SASH1: variants seen among roughly 807,000 people sequenced by gnomAD.
SASH1 encodes the protein SAM and SH3 domain-containing protein 1.
SASH1 carries 44 observed loss-of-function variants against 125.2 expected under a neutral mutation model. That is an observed-to-expected ratio of 0.35 (90% CI 0.28 to 0.45). The LOEUF is 0.45. SASH1 is among the 20% of genes least tolerant of loss of function. The probability of loss-of-function intolerance (pLI) is 1.00; values close to 1 mark genes in which losing one functional copy is unlikely to be tolerated. For missense variants in SASH1, 1,426 were observed against 1,614.5 expected (o/e 0.88, Z 2.00); for synonymous variants, 639 against 649.1 (o/e 0.98, Z 0.24).
the SASH1 span, among the ~76,000 whole-genome samples, chr6:148,194,869 G>A: frequency 6.6e-6 from 1 of 152,224 alleles, no homozygotes. Flanking sequence ...TCGCGCCACT[G>A]CACTCCAGCC....
the SASH1 span, among the ~76,000 whole-genome samples, chr6:148,262,656 G>A: frequency 1.3e-5 from 2 of 152,236 alleles, no homozygotes; most frequent in Non-Finnish European, 2.9e-5. Context: ...GGCCGAGGCA[G>A]GCAGATCACC....
chr6:148,353,710 C>T (rs1487036507), intron 1 of SASH1, among the ~76,000 whole-genome samples: 1 of 151,954 alleles, frequency 6.6e-6, no homozygotes, highest in Non-Finnish European at 1.5e-5. Context: ...GCTGGGATTA[C>T]AGGCGTGAGC....
At chr6:148,288,615 C>A (rs1779546897) in intron 1 of SASH1, among the ~76,000 whole-genome samples, 1 of 152,042 alleles carries the variant, frequency 6.6e-6, no homozygotes, top group Non-Finnish European at 1.5e-5. Flanking sequence ...TGACTTCTAT[C>A]ATTTCCTACA....
rs113861189 is a variant in SASH1 at position 148,400,445 on chromosome 6, A to G, written c.285+10183A>G. 8.6e-3 allele frequency among the ~76,000 whole-genome samples: 1,308 copies of G among 152,320 alleles called. 22 individuals are homozygous for G. The highest frequency in any genetic ancestry group is 0.029 in the African/African-American group (1,201 of 41,578). ...CAGCTCCTGTACACCGAAATGACTA[A>G]CAGTAGAGAGAACTGAGCTCTGGGC... On this transcript the variant is annotated intron_variant, in intron 2 of 19. Coordinates refer to ENST00000367467, the MANE Select transcript of SASH1 (RefSeq NM_015278.5).
intron 1 of SASH1, among the ~76,000 whole-genome samples, chr6:148,369,338 G>A (rs1782617361): frequency 6.6e-6 from 1 of 152,158 alleles, no homozygotes; most frequent in Non-Finnish European, 1.5e-5. Context: ...TGTTGAAACT[G>A]TTTCTACTCA....
rs1364073339 is a variant in SASH1 at position 148,529,225 on chromosome 6, C to T, written c.1428+1629C>T. Among the ~76,000 whole-genome samples the T allele has an allele frequency of 6.6e-6, 1 of 152,150 alleles. No homozygotes were observed. Among genetic ancestry groups the T allele is most frequent in the Non-Finnish European group, 1.5e-5 (1 of 68,036 alleles). On this transcript the variant is annotated intron_variant, in intron 12 of 19. Transcript: ENST00000367467. This position sits in a 1 kb window ranked among gnomAD's most constrained non-coding sequence, Gnocchi z 4.2. ...TCCGTGGCCCGGGAGTTGGAGAATG[C>T]TGATCTAGAGGATAGAGGCCAGGGA...
At chr6:148,348,457 G>T (rs1344544793) in intron 1 of SASH1, among the ~76,000 whole-genome samples, 1 of 152,080 alleles carries the variant, frequency 6.6e-6, no homozygotes, top group East Asian at 1.9e-4. Flanking sequence ...CCTTCCCTCT[G>T]CCACCTGGCT....
chr6:148,436,142 T>A (rs1029507680), intron 2 of SASH1, among the ~76,000 whole-genome samples: 1 of 152,048 alleles, frequency 6.6e-6, no homozygotes, highest in Non-Finnish European at 1.5e-5. Flanking sequence ...GCTTTGGCAC[T>A]CCCCCAGCTG....
At chr6:148,460,191 A>G (rs1777549896) in intron 4 of SASH1, among the ~76,000 whole-genome samples, 1 of 152,256 alleles carries the variant, frequency 6.6e-6, no homozygotes, top group Non-Finnish European at 1.5e-5. Flanking sequence ...CTAACCCTGC[A>G]TGTCTAAATT....
chr6:148,505,401 C>T (rs1779741274), intron 8 of SASH1, among the ~76,000 whole-genome samples: 1 of 152,214 alleles, frequency 6.6e-6, no homozygotes, highest in African/African-American at 2.4e-5. Flanking sequence ...GCAGCCACTG[C>T]CTCCCAGGTT....
the SASH1 span, among the ~76,000 whole-genome samples, chr6:148,224,507 C>T: frequency 6.6e-6 from 1 of 151,974 alleles, no homozygotes; most frequent in African/African-American, 2.4e-5. Context: ...ATTACAGGTG[C>T]CTGCCACCAC....
chr6:148,390,003 C>A, intron 1 of SASH1, 131 bp from the exon 2 acceptor site: 3 of 1,048,504 alleles, frequency 2.9e-6, no homozygotes, highest in Non-Finnish European at 2.8e-6. Context: ...TGTAAAACAA[C>A]CTGGCACTTG....
the SASH1 span, among the ~76,000 whole-genome samples, chr6:148,233,906 C>T: frequency 1.6e-4 from 24 of 149,730 alleles, no homozygotes; most frequent in African/African-American, 5.2e-4. Flanking sequence ...GAGTGAGACT[C>T]TGTTTCCAAA....
At chr6:148,268,387 G>A (rs554985175), upstream of SASH1, among the ~76,000 whole-genome samples, 202 of 152,252 alleles carry the variant, frequency 1.3e-3, no homozygotes, top group Admixed American at 1.7e-3. Context: ...GCTCACATGG[G>A]AAAGATAGGC....
chr6:148,366,245 C>G (rs898192809), intron 1 of SASH1, among the ~76,000 whole-genome samples: 1 of 152,106 alleles, frequency 6.6e-6, no homozygotes, highest in Non-Finnish European at 1.5e-5. Context: ...GTTCGCGCCA[C>G]TGCAGTCCAG....
In SASH1 at chr6:148,317,040, A is replaced by G. The variant is rs144800276; in HGVS notation, n.74+44663A>G. Among the ~76,000 whole-genome samples, 780 of 152,334 alleles carry G rather than the reference A, an allele frequency of 5.1e-3. 9 individuals are homozygous for G. The highest frequency in any genetic ancestry group is 0.018 in the African/African-American group (729 of 41,582). On this transcript the variant is annotated intron_variant and non_coding_transcript_variant, in intron 1 of 3. Coordinates refer to the SASH1 transcript ENST00000367469. ...GCACTCCATTCTGAGTTAGCTGGAA[A>G]GGGAAGGAATCAGGAGAAATAGCCA...
chr6:148,493,821 G>A (rs1285905230), intron 8 of SASH1, among the ~76,000 whole-genome samples: 1 of 152,156 alleles, frequency 6.6e-6, no homozygotes. Context: ...ACTTCTGTTG[G>A]GAGTGCTAAA....
intron 1 of SASH1, among the ~76,000 whole-genome samples, chr6:148,323,075 C>T (rs1215023586): frequency 6.6e-6 from 1 of 151,038 alleles, no homozygotes; most frequent in Non-Finnish European, 1.5e-5. Context: ...TCACCCAGGA[C>T]CTCAGCTCAC....
At chr6:148,233,926 C>T in the SASH1 span, among the ~76,000 whole-genome samples, 1 of 149,534 alleles carries the variant, frequency 6.7e-6, no homozygotes, top group Admixed American at 6.7e-5. Flanking sequence ...AAAAAAAAAA[C>T]TAAATGTTCC....
Sources: gnomAD v4.1 joint callset for allele counts (sites outside exome capture counted in the v4.1 genomes callset) on GRCh38, gnomAD v4.1.1 for gene constraint, Gnocchi (gnomAD v3.1) non-coding constraint, MANE v1.5 for transcripts, NCBI Gene and HGNC (gene_info 2026-07-23, HGNC 2026-07-21) for gene names.